NUP210: variants seen among roughly 807,000 people sequenced by gnomAD.
NUP210 encodes the protein nuclear pore membrane glycoprotein 210.
Under a neutral mutation model 196.0 loss-of-function variants are expected in NUP210, and 151 were observed. The observed-to-expected ratio is 0.77, with a 90% CI of 0.67 to 0.88. NUP210 has a LOEUF of 0.88. Ranked by LOEUF, NUP210 falls within the 40% of genes least tolerant of loss-of-function variation. NUP210 has a pLI of 0.00. For missense variants in NUP210, 2,314 were observed against 2,493.7 expected (o/e 0.93, Z 1.53); for synonymous variants, 1,070 against 1,052.7 (o/e 1.02, Z -0.32).
chr3:13,348,373 C>A lies in NUP210; in HGVS notation c.2835+3506G>T, dbSNP rs1241233891. 5 of 985,278 alleles carry A rather than the reference C, an allele frequency of 5.1e-6. No individual in the cohort carries two copies. The African/African-American group carries it at 8.7e-5, about 17-fold the overall frequency. The allele number at this position is 985,278 out of a possible 1,614,324, so 61.0% of individuals were successfully genotyped here. On this transcript the variant is annotated intron_variant, in intron 20 of 39. Transcript: ENST00000254508. The surrounding 1 kb of genome is among the most constrained non-coding windows in gnomAD (Gnocchi z 4.0). ...TGGAGTAAAGGTCTCCCTCTGGTCA[C>A]AAGTCCACCCTCAGAGCTTGCACAG...
At chr3:13,398,252 C>A (rs1445917872) in intron 2 of NUP210, among the ~76,000 whole-genome samples, 1 of 152,062 alleles carries the variant, frequency 6.6e-6, no homozygotes, top group Non-Finnish European at 1.5e-5. Flanking sequence ...CCAGCCTGGC[C>A]AACATGATGA....
In NUP210 at chr3:13,347,154, A is replaced by G. The variant is rs1013273143; in HGVS notation, c.2836-3851T>C. 2 of 985,414 alleles carry G rather than the reference A, an allele frequency of 2.0e-6. No individual in the cohort carries two copies. The highest frequency in any genetic ancestry group is 2.4e-6 in the Non-Finnish European group (2 of 829,922). The allele number at this position is 985,414 out of a possible 1,614,324, so 61.0% of individuals were successfully genotyped here. A position where few individuals can be genotyped will look rare whatever the true frequency, so the allele number is the denominator to read the frequency against. On this transcript the variant is annotated intron_variant, in intron 20 of 39. Transcript: ENST00000254508. This position sits in a 1 kb window ranked among gnomAD's most constrained non-coding sequence, Gnocchi z 4.7. Reference sequence around the variant, plus strand: ...CCAGGAGATGGAGAGAAGCAGCCGCAGCTCATAGGACCCAGGAGATGGAGA... The same window carrying G: ...CCAGGAGATGGAGAGAAGCAGCCGCGGCTCATAGGACCCAGGAGATGGAGA...
chr3:13,394,202 G>C (rs1699580060), intron 3 of NUP210, among the ~76,000 whole-genome samples: 1 of 152,224 alleles, frequency 6.6e-6, no homozygotes, highest in Non-Finnish European at 1.5e-5. Context: ...CAGAGTTCAG[G>C]AGGGGAAGGT....
At chr3:13,365,079 C>T (rs925151620) in intron 14 of NUP210, among the ~76,000 whole-genome samples, 4 of 152,214 alleles carry the variant, frequency 2.6e-5, no homozygotes, top group African/African-American at 9.7e-5. Context: ...CAAACCCTCT[C>T]TGCGCCTCCT....
At chr3:13,382,004 G>A (rs547881310) in intron 6 of NUP210, among the ~76,000 whole-genome samples, 8 of 152,314 alleles carry the variant, frequency 5.3e-5, no homozygotes, top group African/African-American at 1.9e-4. Flanking sequence ...GTTCTGAGCA[G>A]CCACAGTTAA....
Position 13,348,538 on chromosome 3 carries a change from G to A in NUP210, c.2835+3341C>T. On this transcript the variant is annotated intron_variant, in intron 20 of 39. Transcript: ENST00000254508. The surrounding 1 kb of genome is among the most constrained non-coding windows in gnomAD (Gnocchi z 4.0). ...AATTTCCAAAAATAAACAAAACAAG[G>A]CATATGTCAAGCAGTCAGAATTAAG... 1 of 985,384 alleles carries A rather than the reference G, an allele frequency of 1.0e-6. No individual in the cohort carries two copies. Among genetic ancestry groups the A allele is most frequent in the Non-Finnish European group, 1.2e-6 (1 of 829,926 alleles). 61.0% of individuals were successfully genotyped at this position (985,384 alleles called of 1,614,324 possible).
Position 13,358,330 on chromosome 3 carries a change from G to A in NUP210, c.2220C>T (p.Ala740=), listed in dbSNP as rs369988100. Residue 740 remains alanine, a synonymous_variant, in exon 16 of 40, where the codon GCC becomes GCT. Coordinates refer to ENST00000254508, the MANE Select transcript of NUP210 (RefSeq NM_024923.4). Reference sequence around the variant, plus strand: ...GTGGGGCGCAGACGAACTTCACCACGGCAGGCTCCACCGCAGGAAAGGGGT... The same window carrying A: ...GTGGGGCGCAGACGAACTTCACCACAGCAGGCTCCACCGCAGGAAAGGGGT... ...LTNPFPAVEP[A]VVKFVCAPPS... The A allele has an allele frequency of 3.9e-5, 63 of 1,613,866 alleles. No individual in the cohort carries two copies. The highest frequency in any genetic ancestry group is 2.9e-4 in the South Asian group (26 of 91,060).
At position 13,420,064 on chromosome 3, in the gene NUP210, G is replaced by C. The variant is rs749649984; in HGVS notation, c.163C>G (p.Arg55Gly). 10 of 1,328,976 alleles carry C rather than the reference G, an allele frequency of 7.5e-6. No individual in the cohort carries two copies. In the South Asian group the frequency reaches 1.6e-4, roughly 21 times the overall value. The allele number at this position is 1,328,976 out of a possible 1,614,324, so 82.3% of individuals were successfully genotyped here. A position where few individuals can be genotyped will look rare whatever the true frequency, so the allele number is the denominator to read the frequency against. ...FTLEASEGCY[R>G]WLSTRPEVAS... is the part of the protein sequence containing the mutation. ...CGGCCCGGCCGCGCGCCTCACCAGC[G>C]GTAGCAGCCCTCCGAGGCCTCCAGC... The change falls in exon 1 of 40, where the codon CGC becomes GGC. Residue 55 changes from arginine (R) to glycine (G), a missense_variant. By Grantham distance (125) the Arg-to-Gly change is moderately radical. Coordinates refer to ENST00000254508, the MANE Select transcript of NUP210 (RefSeq NM_024923.4). This position sits in a 1 kb window ranked among gnomAD's most constrained non-coding sequence, Gnocchi z 4.8.
intron 3 of NUP210, 51 bp from the exon 4 acceptor site, chr3:13,391,358 G>T: frequency 8.0e-7 from 1 of 1,253,858 alleles, no homozygotes; most frequent in Non-Finnish European, 1.1e-6. Flanking sequence ...ATTTCCCAGG[G>T]TGGAGGGAGG....
chr3:13,380,401 T>C (rs899767044), intron 6 of NUP210, among the ~76,000 whole-genome samples: 3 of 152,212 alleles, frequency 2.0e-5, no homozygotes, highest in Non-Finnish European at 2.9e-5. Context: ...AGGTGTCTCA[T>C]GATCACGTTC....
intron 28 of NUP210, among the ~76,000 whole-genome samples, chr3:13,334,818 C>T (rs1697141801): frequency 6.6e-6 from 1 of 152,206 alleles, no homozygotes; most frequent in Non-Finnish European, 1.5e-5. Context: ...GGCTGCACCC[C>T]AGGCAGGAGA....
At position 13,335,592 on chromosome 3, in the gene NUP210, T is replaced by C; in HGVS notation, c.3705A>G (p.Ser1235=). The C allele has an allele frequency of 6.2e-7, 1 of 1,614,054 alleles. No homozygotes were observed. The highest frequency in any genetic ancestry group is 8.5e-7 in the Non-Finnish European group (1 of 1,179,998). ...GCACGTTCATGGCAAAGTTGTACTG[T>C]GACGGGAGTCGGATCGACGCCTGGG... The part of the protein sequence containing the change: ...RHHEASIRLP[S]QYNFAMNVLG... Residue 1235 remains serine (S), a synonymous_variant, in exon 28 of 40, where the codon TCA becomes TCG. Coordinates refer to ENST00000254508, the MANE Select transcript of NUP210 (RefSeq NM_024923.4).
intron 6 of NUP210, among the ~76,000 whole-genome samples, chr3:13,385,164 CT>C (rs1699233148): frequency 6.6e-6 from 1 of 152,250 alleles, no homozygotes; most frequent in African/African-American, 2.4e-5. Flanking sequence ...AACCAGGTGA[CT>C]GCTCTCAGTT....
In NUP210 at chr3:13,347,180, GAC is replaced by G; in HGVS notation, c.2836-3879_2836-3878del. On this transcript the variant is annotated intron_variant, in intron 20 of 39. Transcript: ENST00000254508. The surrounding 1 kb of genome is among the most constrained non-coding windows in gnomAD (Gnocchi z 4.7). The stretch of plus-strand genomic sequence containing the variant: ...GCTCATAGGACCCAGGAGATGGAGA[GAC>G]ACAGCTGCGGCTCACAGGAGCTGGG... The G allele has an allele frequency of 1.0e-6, 1 of 985,412 alleles. No homozygotes were observed. The highest frequency in any genetic ancestry group is 1.2e-6 in the Non-Finnish European group (1 of 829,930). 61.0% of individuals were successfully genotyped at this position (985,412 alleles called of 1,614,324 possible).
chr3:13,391,190 C>A (rs767368412), intron 4 of NUP210, 21 bp downstream of exon 4: 3 of 1,581,816 alleles, frequency 1.9e-6, no homozygotes, highest in Non-Finnish European at 8.7e-7. Flanking sequence ...AGGGGCCAGG[C>A]CTAGCAGAGG....
At chr3:13,404,558 G>A (rs912513574) in intron 1 of NUP210, among the ~76,000 whole-genome samples, 1 of 152,172 alleles carries the variant, frequency 6.6e-6, no homozygotes, top group Non-Finnish European at 1.5e-5. Flanking sequence ...CTACTGCTAT[G>A]TCCTCATCTT....
At chr3:13,367,822 T>A (rs904979254) in intron 13 of NUP210, among the ~76,000 whole-genome samples, 5 of 152,230 alleles carry the variant, frequency 3.3e-5, no homozygotes, top group African/African-American at 1.2e-4. Flanking sequence ...ATGGTGCACA[T>A]CTGGGTTTCT....
rs1045271772 is a variant in NUP210 at position 13,414,283 on chromosome 3, G to C, written c.167+5777C>G. ...CTACAGAGCGGAAGCCACCTCGTGG[G>C]GCTGACAGAGCTCAGGCAGAGTGGG... On this transcript the variant is annotated intron_variant, in intron 1 of 39. Coordinates refer to ENST00000254508, the MANE Select transcript of NUP210 (RefSeq NM_024923.4). Among the ~76,000 whole-genome samples, 14 of 152,372 alleles carry C rather than the reference G, an allele frequency of 9.2e-5. No homozygotes were observed. The Middle Eastern group carries it at 0.017, about 185-fold the overall frequency.
At chr3:13,401,935 C>G (rs191907686) in intron 1 of NUP210, among the ~76,000 whole-genome samples, 1 of 152,066 alleles carries the variant, frequency 6.6e-6, no homozygotes, top group African/African-American at 2.4e-5. Flanking sequence ...TGGCTCATGC[C>G]TCTAATCCTA....
Sources: allele counts gnomAD v4.1 joint callset (sites outside exome capture counted in the v4.1 genomes callset), GRCh38; gene constraint gnomAD v4.1.1; non-coding constraint Gnocchi (gnomAD v3.1); transcripts MANE v1.5; gene names NCBI Gene and HGNC (gene_info 2026-07-23, HGNC 2026-07-21).